CLPTM1: variants seen among roughly 807,000 people sequenced by gnomAD.
The protein encoded by CLPTM1 is putative lipid scramblase CLPTM1.
A neutral mutation model predicts 77.3 loss-of-function variants in CLPTM1; 21 were observed. The ratio of observed to expected loss-of-function variants is 0.27; its 90% CI spans 0.19 to 0.39. CLPTM1 has a LOEUF of 0.39. Ranked by LOEUF, CLPTM1 falls within the 10% of genes least tolerant of loss-of-function variation. The pLI, the probability that CLPTM1 is intolerant of heterozygous loss-of-function variation, is 1.00. For synonymous variants in CLPTM1, 373 were observed against 381.0 expected (o/e 0.98, Z 0.24); for missense variants, 642 against 921.2 (o/e 0.70, Z 3.92).
At chr19:44,961,938 T>C in intron 1 of CLPTM1, 25 bp from the exon 2 acceptor site, 1 of 1,532,800 alleles carries the variant, frequency 6.5e-7, no homozygotes, top group Non-Finnish European at 8.8e-7. Flanking sequence ...TTCTCCCTCC[T>C]TACCCTGGCC....
At chr19:44,988,880 T>C (rs1376350135) in intron 9 of CLPTM1, among the ~76,000 whole-genome samples, 1 of 152,184 alleles carries the variant, frequency 6.6e-6, no homozygotes, top group African/African-American at 2.4e-5. Context: ...GTAGTATTCC[T>C]GGTATTAAGA....
chr19:44,972,585 CG>C (rs1568384535), intron 2 of CLPTM1, among the ~76,000 whole-genome samples: 1 of 152,146 alleles, frequency 6.6e-6, no homozygotes. Flanking sequence ...TAACCATCCC[CG>C]GTTCTGTGCT....
rs1971012883 is a variant in CLPTM1 at position 44,988,182 on chromosome 19, A to T, written c.1132+9A>T. 1.9e-6 allele frequency: 3 copies of T among 1,595,210 alleles called. No individual in the cohort carries two copies. The highest frequency in any genetic ancestry group is 2.6e-6 in the Non-Finnish European group (3 of 1,162,710). On this transcript the variant is annotated intron_variant, in intron 9 of 13. Transcript: ENST00000337392. ...CCTGGCCTTCAAGAATGGTAGGAAC[A>T]GGACCCCAGGGCTAGTGAGAGGCTG...
Position 44,991,509 on chromosome 19 carries a change from G to T in CLPTM1, c.1555+136G>T. The T allele has an allele frequency of 1.0e-6, 1 of 997,822 alleles. No individual in the cohort carries two copies. Among genetic ancestry groups the T allele is most frequent in the Non-Finnish European group, 1.5e-6 (1 of 679,842 alleles). 61.8% of individuals were successfully genotyped at this position (997,822 alleles called of 1,614,324 possible). ...GAGCTGGGATATAGGGAGGCCCGAGGGCACACATGGCCCCATCTGGGGTCA... is the reference window on the plus strand; with the variant it reads ...GAGCTGGGATATAGGGAGGCCCGAGTGCACACATGGCCCCATCTGGGGTCA... On this transcript the variant is annotated intron_variant, in intron 12 of 13. Coordinates refer to ENST00000337392, the MANE Select transcript of CLPTM1 (RefSeq NM_001294.4). The surrounding 1 kb of genome is among the most constrained non-coding windows in gnomAD (Gnocchi z 5.4).
At chr19:44,954,859 G>A, upstream of CLPTM1, 1 of 1,206,472 alleles carries the variant, frequency 8.3e-7, no homozygotes, top group South Asian at 1.6e-5. Context: ...AGACTTGAAC[G>A]AAAGAGTTGT....
Position 44,985,212 on chromosome 19 carries a change from CCA to C in CLPTM1, c.587-3_587-2del. 6.2e-7 allele frequency: 1 copy of C among 1,612,702 alleles called. No homozygotes were observed. The highest frequency in any genetic ancestry group is 1.1e-5 in the South Asian group (1 of 90,950). On this transcript the variant is annotated splice_region_variant and splice_polypyrimidine_tract_variant and intron_variant, in intron 5 of 13. Transcript: ENST00000337392. ...CGTCCCCTCCTTTCCCACCTCCCAA[CCA>C]CAGTGATCAACAAATACAAGCGCAG...
intron 5 of CLPTM1, among the ~76,000 whole-genome samples, chr19:44,982,701 A>G (rs1434178515): frequency 1.3e-5 from 2 of 152,210 alleles, no homozygotes; most frequent in African/African-American, 4.8e-5. Flanking sequence ...ATTTTCTCCA[A>G]GTCAACCCTT....
rs571801848 is a variant in CLPTM1, at chr19:44,973,172, G to A, written c.271G>A (p.Val91Ile). Residue 91 changes from valine (V) to isoleucine (I), a missense_variant, in exon 3 of 14, where the codon GTC (valine) becomes ATC (isoleucine). Transcript: ENST00000337392. ...GGCGGGCCCCGGAGGAGCTCCACGC[G>A]TCGCCAGCCGCAACCTGTTCCCCAA... Reference protein sequence around the residue: ...DQAGPGGAPRVASRNLFPKDT... With the variant: ...DQAGPGGAPRIASRNLFPKDT... 91 of 1,613,964 alleles carry A rather than the reference G, an allele frequency of 5.6e-5. 2 individuals carry two copies. In the South Asian group the frequency reaches 8.5e-4, roughly 15 times the overall value.
rs1377101581 is a variant in CLPTM1 at position 44,990,692 on chromosome 19, C to G, written c.1323+107C>G. 6 of 1,404,116 alleles carry G rather than the reference C, an allele frequency of 4.3e-6. No homozygotes were observed. The highest frequency in any genetic ancestry group is 6.0e-6 in the Non-Finnish European group (6 of 1,008,350). 87.0% of individuals were successfully genotyped at this position (1,404,116 alleles called of 1,614,324 possible). ...CCCCCGGGGGATTCCCAGCAAGTGC[C>G]TCACTCCCAGGACTGAGGGGATTTT... On this transcript the variant is annotated intron_variant, in intron 10 of 13. Transcript: ENST00000337392. This position sits in a 1 kb window ranked among gnomAD's most constrained non-coding sequence, Gnocchi z 4.8.
intron 5 of CLPTM1, 151 bp from the exon 6 acceptor site, chr19:44,985,067 T>G: frequency 1.7e-6 from 1 of 587,106 alleles, no homozygotes; most frequent in East Asian, 2.9e-5. Context: ...GAGGCAGTTC[T>G]GGCATTCCAG....
intron 6 of CLPTM1, among the ~76,000 whole-genome samples, chr19:44,985,974 C>T (rs1191380125): frequency 1.3e-5 from 2 of 152,136 alleles, no homozygotes; most frequent in Non-Finnish European, 2.9e-5. Context: ...TGTCGGTGGC[C>T]GGAAGGGTCC....
chr19:44,988,212 G>A (rs1299781196), intron 9 of CLPTM1, 39 bp downstream of exon 9: 4 of 1,476,912 alleles, frequency 2.7e-6, no homozygotes, highest in Non-Finnish European at 3.8e-6. Context: ...AGGCTGTGCA[G>A]GGTGGGGGAC....
At chr19:44,961,066 C>T (rs1271648071) in intron 1 of CLPTM1, among the ~76,000 whole-genome samples, 1 of 152,172 alleles carries the variant, frequency 6.6e-6, no homozygotes. Context: ...GCTCCCTTGC[C>T]TGCCCCCCTT....
Position 44,991,409 on chromosome 19 carries a change from C to T in CLPTM1, c.1555+36C>T, listed in dbSNP as rs747945752. On this transcript the variant is annotated intron_variant, in intron 12 of 13. Coordinates refer to ENST00000337392, the MANE Select transcript of CLPTM1 (RefSeq NM_001294.4). This position sits in a 1 kb window ranked among gnomAD's most constrained non-coding sequence, Gnocchi z 5.4. ...CGGCCGCCCCAGGAGAGAGCAGGCC[C>T]CATGCTGCGCAGGGCTCACAGCCCC... is the stretch of plus-strand genomic sequence containing the variant. The T allele has an allele frequency of 5.0e-6, 8 of 1,600,904 alleles. No homozygotes were observed. The East Asian group carries it at 1.8e-4, about 36-fold the overall frequency.
chr19:44,955,142 G>A (rs1970438174), upstream of CLPTM1: 5 of 1,535,750 alleles, frequency 3.3e-6, no homozygotes, highest in Admixed American at 2.0e-5. Flanking sequence ...CATGCTGGCC[G>A]AGAAAGTCCT....
rs137904804 is a variant in CLPTM1, at chr19:44,977,430, C to T, written c.556C>T (p.Arg186Cys). ...AGACCCCCGGCAGAAGGCCCTGTAC[C>T]GCCGGCTTGCCACAGTCCACATGTC... is the stretch of plus-strand genomic sequence containing the variant. ...HPDPRQKALYRRLATVHMSRM... is the reference protein window; with the variant it reads ...HPDPRQKALYCRLATVHMSRM... The change falls in exon 5 of 14, where the codon CGC becomes TGC. Residue 186 changes from arginine to cysteine, a missense_variant. Arg to Cys is a radical substitution (Grantham distance 180, BLOSUM62 -3). This residue lies in a region of CLPTM1 where 521 missense variants were observed against 800.4 expected (regional missense o/e 0.65). Transcript: ENST00000337392. 907 of 1,608,508 alleles carry T rather than the reference C, an allele frequency of 5.6e-4. 5 individuals carry two copies. The African/African-American group carries it at 0.01, about 18-fold the overall frequency.
upstream of CLPTM1, chr19:44,955,352 AC>A (rs1970443086): frequency 9.0e-7 from 1 of 1,105,606 alleles, no homozygotes; most frequent in South Asian, 2.1e-5. Flanking sequence ...GAAGTCGGGG[AC>A]GGGGCGGGGC....
chr19:44,963,124 G>A (rs1197655239), intron 2 of CLPTM1, among the ~76,000 whole-genome samples: 1 of 141,392 alleles, frequency 7.1e-6, no homozygotes, highest in East Asian at 2.4e-4. Flanking sequence ...CAGGAGAATC[G>A]TTTGAACCCA....
chr19:44,986,740 C>A, intron 7 of CLPTM1, 165 bp downstream of exon 7: 1 of 859,578 alleles, frequency 1.2e-6, no homozygotes, highest in Non-Finnish European at 1.7e-6. Flanking sequence ...TCTCCCTCTC[C>A]CACACCACCA....
Sources: allele counts gnomAD v4.1 joint callset (sites outside exome capture counted in the v4.1 genomes callset), GRCh38; gene constraint gnomAD v4.1.1; regional missense constraint gnomAD v4.1.1; non-coding constraint Gnocchi (gnomAD v3.1); transcripts MANE v1.5; gene names NCBI Gene and HGNC (gene_info 2026-07-23, HGNC 2026-07-21).